The following NEDD4 variants were observed in gnomAD, a reference collection of about 807,000 sequenced individuals.
NEDD4 encodes the protein E3 ubiquitin-protein ligase NEDD4.
A neutral mutation model predicts 144.9 loss-of-function variants in NEDD4; 99 were observed. The observed-to-expected ratio is 0.68, with a 90% confidence interval of 0.58 to 0.81. NEDD4 has a LOEUF of 0.81. Ranked by LOEUF, NEDD4 falls within the 30% of genes least tolerant of loss-of-function variation. NEDD4 has a pLI of 0.00. For synonymous variants in NEDD4, 318 were observed against 350.6 expected (o/e 0.91, Z 1.04); for missense variants, 985 against 1,065.9 (o/e 0.92, Z 1.06).
chr15:55,832,668 G>A (rs539017008), intron 27 of NEDD4, among the ~76,000 whole-genome samples: 33 of 152,198 alleles, frequency 2.2e-4, no homozygotes, highest in Admixed American at 7.2e-4. Flanking sequence ...TGCCTGCCTC[G>A]GCCTCCTGAA....
chr15:55,981,249 A>G (rs1234708184), intron 1 of NEDD4, among the ~76,000 whole-genome samples: 2 of 152,018 alleles, frequency 1.3e-5, no homozygotes, highest in East Asian at 1.9e-4. Context: ...GGATTCTCAT[A>G]TATCACCTCA....
rs757784736 is a variant in NEDD4 at position 55,829,830 on chromosome 15, A to T, written c.*67T>A. ...GCCACATTTTAGTAGTTCCCCGGAA[A>T]ATTTTAAGTCAAGATTTTGGTTATA... On this transcript the variant is annotated 3_prime_UTR_variant, in exon 29 of 29. Coordinates refer to ENST00000435532, the MANE Select transcript of NEDD4 (RefSeq NM_006154.4). 2 of 1,261,712 alleles carry T rather than the reference A, an allele frequency of 1.6e-6. No homozygotes were observed. The highest frequency in any genetic ancestry group is 2.2e-6 in the Non-Finnish European group (2 of 897,478). 78.2% of individuals were successfully genotyped at this position (1,261,712 alleles called of 1,614,324 possible). A position where few individuals can be genotyped will look rare whatever the true frequency, so the allele number is the denominator to read the frequency against.
At chr15:55,892,309 TAAATAAATAA>T in intron 5 of NEDD4, among the ~76,000 whole-genome samples, 2 of 77,462 alleles carry the variant, frequency 2.6e-5, no homozygotes, top group Non-Finnish European at 5.3e-5. Flanking sequence ...AATAAATAAA[TAAATAAATAA>T]ATAATAAATA....
chr15:55,834,175 G>A, intron 25 of NEDD4, 30 bp from the exon 26 acceptor site: 3 of 1,606,774 alleles, frequency 1.9e-6, no homozygotes, highest in Non-Finnish European at 2.6e-6. Flanking sequence ...TTATAAACAA[G>A]GAAAATAATG....
At chr15:55,915,360 C>A (rs759188409) in intron 5 of NEDD4, 2 of 1,613,342 alleles carry the variant, frequency 1.2e-6, no homozygotes, top group Non-Finnish European at 1.7e-6. Context: ...ACCTTCATTT[C>A]CAGATGCAAA....
chr15:55,962,733 C>T (rs1454170109), intron 2 of NEDD4, among the ~76,000 whole-genome samples: 2 of 152,008 alleles, frequency 1.3e-5, no homozygotes, highest in Non-Finnish European at 2.9e-5. Context: ...GGTGAGCCAC[C>T]GCACCCAGCC....
chr15:55,908,818 T>C (rs1251731934), intron 5 of NEDD4, among the ~76,000 whole-genome samples: 4 of 152,084 alleles, frequency 2.6e-5, no homozygotes, highest in African/African-American at 9.7e-5. Flanking sequence ...GGCAAGAGGA[T>C]TGCTTTAGCC....
At chr15:55,973,059 C>G (rs748379995) in intron 1 of NEDD4, among the ~76,000 whole-genome samples, 1 of 152,092 alleles carries the variant, frequency 6.6e-6, no homozygotes, top group Non-Finnish European at 1.5e-5. Context: ...ATCCCACTTT[C>G]GGCACTGGAT....
chr15:55,870,529 C>CTTTTTTTTT (rs58174546), intron 7 of NEDD4, among the ~76,000 whole-genome samples: 12 of 117,422 alleles, frequency 1.0e-4, no homozygotes, highest in Non-Finnish European at 1.2e-4. Context: ...TCTTCTTCTT[C>CTTTTTTTTT]TTTTTTTTTT....
chr15:55,963,981 G>C (rs988486075), intron 2 of NEDD4, among the ~76,000 whole-genome samples: 16 of 152,038 alleles, frequency 1.1e-4, no homozygotes, highest in African/African-American at 3.4e-4. Context: ...GTAATTAATT[G>C]AATTGTAGTT....
rs140497718 is a variant in NEDD4, at chr15:55,905,544, T to C, written c.291+19102A>G. Among the ~76,000 whole-genome samples, 213 of 152,178 alleles carry C rather than the reference T, an allele frequency of 1.4e-3. 1 individual carries two copies. Among genetic ancestry groups the C allele is most frequent in the African/African-American group, 5.0e-3 (209 of 41,512 alleles). ...GGACCAAAGGGAACCAGAGACAACA[T>C]AGGACCTGAAACAAAACTTAAGAAA... On this transcript the variant is annotated intron_variant, in intron 5 of 28. Coordinates refer to ENST00000435532, the MANE Select transcript of NEDD4 (RefSeq NM_006154.4).
intron 5 of NEDD4, chr15:55,916,384 TACC>T (rs1275918210): frequency 6.2e-6 from 10 of 1,613,960 alleles, no homozygotes; most frequent in African/African-American, 1.3e-5. Context: ...TTACTAAGGC[TACC>T]ACTACAAATG....
At chr15:55,831,638 A>G (rs1455847207) in intron 27 of NEDD4, among the ~76,000 whole-genome samples, 1 of 152,200 alleles carries the variant, frequency 6.6e-6, no homozygotes, top group African/African-American at 2.4e-5. Context: ...TACTCTAGGT[A>G]GAGAGGTAGC....
At chr15:55,899,717 G>A (rs1287332062) in intron 5 of NEDD4, among the ~76,000 whole-genome samples, 5 of 152,158 alleles carry the variant, frequency 3.3e-5, no homozygotes, top group African/African-American at 9.7e-5. Flanking sequence ...AATGTTCTAG[G>A]GGAACCCTGT....
chr15:55,980,858 A>T (rs1206768584), intron 1 of NEDD4, among the ~76,000 whole-genome samples: 2 of 152,172 alleles, frequency 1.3e-5, no homozygotes, highest in Non-Finnish European at 2.9e-5. Context: ...TCTGTCCAAC[A>T]GCTTGCAATT....
chr15:55,849,091 C>T (rs768822375), intron 14 of NEDD4, among the ~76,000 whole-genome samples: 1 of 152,110 alleles, frequency 6.6e-6, no homozygotes, highest in African/African-American at 2.4e-5. Flanking sequence ...AAAGGAATAA[C>T]GATCAGTTCT....
At position 55,916,777 on chromosome 15, in the gene NEDD4, A is replaced by C. The variant is rs770893318; in HGVS notation, c.291+7869T>G. On this transcript the variant is annotated intron_variant, in intron 5 of 28. Coordinates refer to ENST00000435532, the MANE Select transcript of NEDD4 (RefSeq NM_006154.4). ...AAGTCATCTCCGGAGGTTTCTGACA[A>C]AGGGTAAGTATTGCTTCTTCTGGCT... is the stretch of plus-strand genomic sequence containing the variant. 1.4e-5 allele frequency: 22 copies of C among 1,613,538 alleles called. No individual in the cohort carries two copies. The highest frequency in any genetic ancestry group is 3.3e-5 in the South Asian group (3 of 91,054).
In NEDD4 at chr15:55,848,567, C is replaced by T; in HGVS notation, c.1437G>A (p.Trp479Ter). Residue 479 changes from tryptophan to a stop codon, truncating the protein, a stop_gained, in exon 16 of 29, where the codon TGG becomes TGA. Coordinates refer to ENST00000435532, the MANE Select transcript of NEDD4 (RefSeq NM_006154.4). LOFTEE classifies it high-confidence loss of function. ...SNDLGPLPPG[W>*]EERTHTDGRI... is the part of the protein sequence containing the mutation. ...TTCCATCTGTGTGAGTTCTCTCTTCCCATCCTGGCTATAATTAAAAATGTA... is the reference window on the plus strand; with the variant it reads ...TTCCATCTGTGTGAGTTCTCTCTTCTCATCCTGGCTATAATTAAAAATGTA... 1 of 1,612,710 alleles carries T rather than the reference C, an allele frequency of 6.2e-7. No individual in the cohort carries two copies. The highest frequency in any genetic ancestry group is 1.7e-5 in the Admixed American group (1 of 60,014).
intron 5 of NEDD4, among the ~76,000 whole-genome samples, chr15:55,887,020 T>G (rs1159133470): frequency 6.6e-6 from 1 of 150,898 alleles, no homozygotes; most frequent in Non-Finnish European, 1.5e-5. Context: ...AGTTTATAGC[T>G]AACAGTGCCT....
Sources: gnomAD v4.1 joint callset for allele counts (sites outside exome capture counted in the v4.1 genomes callset) on GRCh38, gnomAD v4.1.1 for gene constraint, MANE v1.5 for transcripts, NCBI Gene and HGNC (gene_info 2026-07-23, HGNC 2026-07-21) for gene names.